Variants in ALX1 observed in about 807,000 individuals in gnomAD.
ALX1 encodes ALX homeobox 1.
In ALX1, 19 loss-of-function variants were observed where a neutral mutation model predicts 31.7. The ratio of observed to expected loss-of-function variants is 0.60; its 90% confidence interval spans 0.42 to 0.88. The LOEUF is 0.88. Ranked by LOEUF, ALX1 falls within the 40% of genes least tolerant of loss-of-function variation. The pLI is 0.00. For missense variants in ALX1, 415 were observed against 407.8 expected, an observed-to-expected ratio of 1.02 and a Z score of -0.15; for synonymous variants, 153 against 148.8, an observed-to-expected ratio of 1.03 and a Z score of -0.20.
At chr12:85,297,488 T>C (rs1373469917) in intron 3 of ALX1, among the ~76,000 whole-genome samples, 1 of 151,646 alleles carries the variant, frequency 6.6e-6, no homozygotes, top group Non-Finnish European at 1.5e-5. Flanking sequence ...TTCTACGTCA[T>C]TATAGGGCAC....
At chr12:85,299,575 A>G (rs968619359) in intron 3 of ALX1, among the ~76,000 whole-genome samples, 7 of 151,714 alleles carry the variant, frequency 4.6e-5, no homozygotes, top group Non-Finnish European at 1.5e-5. Context: ...ATAAAGAATT[A>G]TTTTTTAAGA....
At chr12:85,280,947 C>CAAAAACA (rs1022047781) in intron 1 of ALX1, among the ~76,000 whole-genome samples, 1 of 151,674 alleles carries the variant, frequency 6.6e-6, no homozygotes, top group Non-Finnish European at 1.5e-5. Context: ...AACCGGAAAA[C>CAAAAACA]AAAAACAAAA....
In ALX1 at chr12:85,288,680, G is replaced by C. The variant is rs190787300; in HGVS notation, c.660+1699G>C. Among the ~76,000 whole-genome samples, 41 of 151,580 alleles carry C rather than the reference G, an allele frequency of 2.7e-4. 1 individual carries two copies. The highest frequency in any genetic ancestry group is 1.6e-4 in the Non-Finnish European group (11 of 67,582). ...CATTTAATCCTCACAACAACCTTAT[G>C]TGCTAGGTGTTACTAATTGTCTCCA... On this transcript the variant is annotated intron_variant, in intron 3 of 3. Coordinates refer to ENST00000316824, the MANE Select transcript of ALX1 (RefSeq NM_006982.3).
intron 1 of ALX1, among the ~76,000 whole-genome samples, chr12:85,283,355 T>C (rs1212689679): frequency 6.6e-6 from 1 of 152,212 alleles, no homozygotes; most frequent in Admixed American, 6.5e-5. Flanking sequence ...CTGCGGATTT[T>C]GGCAGATCAT....
chr12:85,296,461 T>C (rs547515142), intron 3 of ALX1, among the ~76,000 whole-genome samples: 1 of 151,750 alleles, frequency 6.6e-6, no homozygotes, highest in South Asian at 2.1e-4. Flanking sequence ...AGTCATGGGA[T>C]AATTAAGTGT....
rs146443849 is a variant in ALX1 at position 85,294,284 on chromosome 12, G to T, written c.661-6871G>T. 3.0e-4 allele frequency among the ~76,000 whole-genome samples: 46 copies of T among 151,016 alleles called. No homozygotes were observed. In the East Asian group the frequency reaches 7.0e-3, roughly 23 times the overall value. On this transcript the variant is annotated intron_variant, in intron 3 of 3. Coordinates refer to ENST00000316824, the MANE Select transcript of ALX1 (RefSeq NM_006982.3). ...ATAATTTCATCACTAAAATGAATCA[G>T]ACACTGATGAATCAGCAATAGCTAT...
In ALX1 at chr12:85,280,501, G is replaced by A; in HGVS notation, c.226+14G>A. ...AGGACAGCAGCGGTGAGTCGCTAGC[G>A]CCCCAGCCGGAGCCGCCGCAGCCCT... On this transcript the variant is annotated intron_variant, in intron 1 of 3. Transcript: ENST00000316824. The A allele has an allele frequency of 1.9e-6, 3 of 1,607,544 alleles. No individual in the cohort carries two copies. Among genetic ancestry groups the A allele is most frequent in the African/African-American group, 2.7e-5 (2 of 74,912 alleles).
chr12:85,300,995 C>G (rs1896957091), intron 3 of ALX1, among the ~76,000 whole-genome samples, 160 bp from the exon 4 acceptor site: 1 of 151,988 alleles, frequency 6.6e-6, no homozygotes, highest in Admixed American at 6.6e-5. Flanking sequence ...AAGGATCTCT[C>G]AAGTAATTAT....
chr12:85,284,173 A>T (rs1896717952), intron 2 of ALX1, among the ~76,000 whole-genome samples: 1 of 151,918 alleles, frequency 6.6e-6, no homozygotes, highest in South Asian at 2.1e-4. Context: ...CAGTTTTTAA[A>T]GGATGAAAAG....
chr12:85,287,555 A>G (rs1031774588), intron 3 of ALX1, among the ~76,000 whole-genome samples: 2 of 151,458 alleles, frequency 1.3e-5, no homozygotes, highest in Non-Finnish European at 3.0e-5. Flanking sequence ...CATAATTTTA[A>G]AAGTTAATCA....
intron 2 of ALX1, 105 bp downstream of exon 2, chr12:85,283,981 C>T: frequency 7.8e-7 from 1 of 1,278,726 alleles, no homozygotes; most frequent in Non-Finnish European, 1.1e-6. Flanking sequence ...GATTCCCTAG[C>T]TGAAGATGAG....
At chr12:85,291,203 A>C (rs1593050607) in intron 3 of ALX1, among the ~76,000 whole-genome samples, 1 of 151,326 alleles carries the variant, frequency 6.6e-6, no homozygotes, top group East Asian at 1.9e-4. Context: ...GACACTTTTC[A>C]GCTGACTTTT....
At chr12:85,297,320 G>A (rs1471395264) in intron 3 of ALX1, among the ~76,000 whole-genome samples, 1 of 151,622 alleles carries the variant, frequency 6.6e-6, no homozygotes, top group Non-Finnish European at 1.5e-5. Flanking sequence ...GACATATCCA[G>A]AATAACATGA....
chr12:85,287,077 T>G, intron 3 of ALX1, 96 bp downstream of exon 3: 1 of 1,388,350 alleles, frequency 7.2e-7, no homozygotes, highest in Non-Finnish European at 1.0e-6. Context: ...TGTAAGATAA[T>G]AGCCAAGAAT....
At chr12:85,287,852 A>C in intron 3 of ALX1, among the ~76,000 whole-genome samples, 1 of 151,608 alleles carries the variant, frequency 6.6e-6, no homozygotes, top group Non-Finnish European at 1.5e-5. Context: ...AATGATATGC[A>C]TTATAAGAGA....
rs748246704 is a variant in ALX1, at chr12:85,301,261, C to T, written c.767C>T (p.Pro256Leu). 36 of 1,613,892 alleles carry T rather than the reference C, an allele frequency of 2.2e-5. No individual in the cohort carries two copies. The highest frequency in any genetic ancestry group is 3.0e-5 in the Non-Finnish European group (35 of 1,179,964). ...SSCMTPYSHS[P>L]RTDSSYTGFS... is the part of the protein sequence containing the mutation. The stretch of plus-strand genomic sequence containing the variant: ...TGTATGACACCTTATTCTCACTCGC[C>T]TCGGACAGATTCCAGTTACACGGGG... The change falls in exon 4 of 4, where the codon CCT (proline) becomes CTT (leucine). Residue 256 changes from proline (P) to leucine (L), a missense_variant. Coordinates refer to ENST00000316824, the MANE Select transcript of ALX1 (RefSeq NM_006982.3).
Position 85,286,930 on chromosome 12 carries a change from TGCTGCCACCTATGATATATCA to T in ALX1, c.611_631del (p.Ala204_Ser210del). The T allele has an allele frequency of 1.2e-6, 2 of 1,612,380 alleles. No individual in the cohort carries two copies. The highest frequency in any genetic ancestry group is 1.7e-6 in the Non-Finnish European group (2 of 1,178,716). ...AAATACAACAAGCGAAAAGCCATTT[TGCTGCCACCTATGATATATCA>T]GTTTTGCCAAGGACTGACAGCTACC... On this transcript the variant is annotated inframe_deletion, in exon 3 of 4. Transcript: ENST00000316824.
Position 85,301,428 on chromosome 12 carries a change from C to T in ALX1, c.934C>T (p.Arg312Ter). The T allele has an allele frequency of 1.9e-6, 3 of 1,614,024 alleles. No individual in the cohort carries two copies. Among genetic ancestry groups the T allele is most frequent in the Non-Finnish European group, 2.5e-6 (3 of 1,179,968 alleles). Residue 312 changes from arginine to a stop codon, truncating the protein, a stop_gained, in exon 4 of 4, where the codon CGA becomes TGA. Coordinates refer to ENST00000316824, the MANE Select transcript of ALX1 (RefSeq NM_006982.3). LOFTEE classifies it high-confidence loss of function. Reference sequence around the variant, plus strand: ...GAGGTCTTCCAGTATCGCAGTTCTTCGAATGAAAGCCAAGGAGCACACCGC... The same window carrying T: ...GAGGTCTTCCAGTATCGCAGTTCTTTGAATGAAAGCCAAGGAGCACACCGC... ...ERRSSSIAVL[R>*]MKAKEHTANI... is the part of the protein sequence containing the mutation.
intron 3 of ALX1, among the ~76,000 whole-genome samples, chr12:85,288,259 A>G (rs1472217615): frequency 2.0e-5 from 3 of 151,460 alleles, no homozygotes; most frequent in African/African-American, 7.3e-5. Context: ...CCTTTACCCA[A>G]TGGCTTGCTA....
Sources: allele counts gnomAD v4.1 joint callset (sites outside exome capture counted in the v4.1 genomes callset), GRCh38; gene constraint gnomAD v4.1.1; transcripts MANE v1.5; gene names NCBI Gene and HGNC (gene_info 2026-07-23, HGNC 2026-07-21).